The following CPLANE1 variants were observed in gnomAD, a reference collection of about 807,000 sequenced individuals.
The protein encoded by CPLANE1 is ciliogenesis and planar polarity effector complex subunit 1.
In CPLANE1, 263 loss-of-function variants were observed where a neutral mutation model predicts 362.5. The ratio of observed to expected loss-of-function variants is 0.73; its 90% CI spans 0.66 to 0.80. CPLANE1 has a LOEUF of 0.80. Among genes scored for constraint, CPLANE1 ranks in the 30% least tolerant of loss-of-function variants. CPLANE1 has a pLI of 0.00. For missense variants in CPLANE1, 3,461 were observed against 3,793.4 expected (o/e 0.91, Z 2.30); for synonymous variants, 1,212 against 1,302.6 (o/e 0.93, Z 1.50).
chr5:37,185,191 G>T, intron 24 of CPLANE1, 112 bp from the exon 25 acceptor site: 2 of 857,012 alleles, frequency 2.3e-6, no homozygotes, highest in Non-Finnish European at 3.5e-6. Flanking sequence ...TGATGACTAA[G>T]GCTTATTTCC....
chr5:37,224,256 T>C lies in CPLANE1; in HGVS notation c.2578A>G (p.Lys860Glu). The change falls in exon 14 of 53, where the codon AAA becomes GAA. Residue 860 changes from lysine to glutamate, a missense_variant. By Grantham distance (56) the Lys-to-Glu change is moderately conservative (BLOSUM62 1). This residue lies in a region of CPLANE1 where 3,380 missense variants were observed against 3,666.1 expected (regional missense o/e 0.92). Transcript: ENST00000651892. Reference protein sequence around the residue: ...WKKALQEIEEKGGRRTYFLQI... With the variant: ...WKKALQEIEEEGGRRTYFLQI... Reference sequence around the variant, plus strand: ...ATATTTTTTAACACTCTCTTACCTTTCTCTTCGATTTCTTGTAGAGCTTTT... The same window carrying C: ...ATATTTTTTAACACTCTCTTACCTTCCTCTTCGATTTCTTGTAGAGCTTTT... The C allele has an allele frequency of 2.6e-6, 4 of 1,544,666 alleles. No homozygotes were observed. Among genetic ancestry groups the C allele is most frequent in the Non-Finnish European group, 3.5e-6 (4 of 1,141,958 alleles).
At chr5:37,166,131 T>C (rs1210861101) in intron 35 of CPLANE1, among the ~76,000 whole-genome samples, 1 of 152,198 alleles carries the variant, frequency 6.6e-6, no homozygotes, top group African/African-American at 2.4e-5. Context: ...AGAAAATTTC[T>C]GGAAAGAGAG....
chr5:37,097,754 C>A, the CPLANE1 span, among the ~76,000 whole-genome samples: 1 of 152,128 alleles, frequency 6.6e-6, no homozygotes, highest in East Asian at 1.9e-4. Flanking sequence ...CTATACCCAG[C>A]CAAGGAATCT....
chr5:37,076,315 CTTTT>C, the CPLANE1 span, among the ~76,000 whole-genome samples: 2 of 150,620 alleles, frequency 1.3e-5, no homozygotes, highest in African/African-American at 2.4e-5. Flanking sequence ...TGATGTCAAA[CTTTT>C]TTTTTCTTTT....
rs763003642 is a variant in CPLANE1 at position 37,239,696 on chromosome 5, G to A, written c.834+17C>T. ...CCTTCTTTTATAGATTACTTTCTAA[G>A]ACAGATATTTACTGACCTTGGGGTC... is the stretch of plus-strand genomic sequence containing the variant. On this transcript the variant is annotated intron_variant, in intron 7 of 52. Transcript: ENST00000651892. 2.1e-6 allele frequency: 3 copies of A among 1,426,842 alleles called. No individual in the cohort carries two copies. In the South Asian group the frequency reaches 5.0e-5, roughly 24 times the overall value. The allele number at this position is 1,426,842 out of a possible 1,614,324, so 88.4% of individuals were successfully genotyped here.
At chr5:37,118,621 T>A (rs1450950284) in intron 50 of CPLANE1, among the ~76,000 whole-genome samples, 2 of 152,168 alleles carry the variant, frequency 1.3e-5, no homozygotes, top group African/African-American at 4.8e-5. Flanking sequence ...TGACTTGGTT[T>A]CCTTGTCTTT....
intron 9 of CPLANE1, among the ~76,000 whole-genome samples, chr5:37,230,323 T>C (rs550844107): frequency 6.6e-6 from 1 of 151,464 alleles, no homozygotes; most frequent in East Asian, 1.9e-4. Flanking sequence ...TGCTACTTCA[T>C]CTCACAAGTA....
chr5:37,120,827 A>C (rs1318643349), intron 49 of CPLANE1, among the ~76,000 whole-genome samples: 1 of 152,188 alleles, frequency 6.6e-6, no homozygotes, highest in Non-Finnish European at 1.5e-5. Flanking sequence ...CTCAACGGGA[A>C]TCTTTGGTAT....
intron 42 of CPLANE1, among the ~76,000 whole-genome samples, chr5:37,150,518 A>ACG (rs940384842): frequency 2.0e-5 from 3 of 151,738 alleles, no homozygotes; most frequent in Admixed American, 6.6e-5. Context: ...CCCAACACAC[A>ACG]CGCGCGCACA....
intron 8 of CPLANE1, among the ~76,000 whole-genome samples, chr5:37,234,668 G>A (rs1036055619): frequency 6.6e-6 from 1 of 152,094 alleles, no homozygotes; most frequent in Non-Finnish European, 1.5e-5. Flanking sequence ...TAGCAAGAGA[G>A]TTAGACATTC....
At chr5:37,164,569 A>G (rs1204897638) in intron 36 of CPLANE1, among the ~76,000 whole-genome samples, 3 of 152,220 alleles carry the variant, frequency 2.0e-5, no homozygotes, top group African/African-American at 7.2e-5. Flanking sequence ...TTCCTAGGTT[A>G]CCATGTGCAA....
chr5:37,146,561 A>C (rs549593636), intron 43 of CPLANE1, among the ~76,000 whole-genome samples: 1 of 152,316 alleles, frequency 6.6e-6, no homozygotes, highest in Non-Finnish European at 1.5e-5. Flanking sequence ...TTTTTAAAGG[A>C]GTGTCAATAT....
the CPLANE1 span, among the ~76,000 whole-genome samples, chr5:37,084,713 G>A: frequency 2.1e-4 from 32 of 152,186 alleles, 2 homozygotes; most frequent in South Asian, 6.4e-3. Context: ...CCAGGAGGCA[G>A]AGAGCTGAGA....
the CPLANE1 span, among the ~76,000 whole-genome samples, chr5:37,093,975 T>C: frequency 1.4e-5 from 2 of 140,698 alleles, no homozygotes; most frequent in African/African-American, 5.9e-5. Flanking sequence ...AACTAACCTT[T>C]GATCATTTGC....
chr5:37,088,641 G>A, the CPLANE1 span, among the ~76,000 whole-genome samples: 1 of 152,168 alleles, frequency 6.6e-6, no homozygotes, highest in African/African-American at 2.4e-5. Context: ...GGCCCCGCTC[G>A]CAACTGGGGC....
At chr5:37,154,480 T>C (rs1237979898) in intron 41 of CPLANE1, among the ~76,000 whole-genome samples, 4 of 146,924 alleles carry the variant, frequency 2.7e-5, no homozygotes, top group Non-Finnish European at 5.9e-5. Context: ...TTTTTTTTTT[T>C]TTTAAGAGAT....
At chr5:37,151,579 C>T (rs1014023941) in intron 42 of CPLANE1, among the ~76,000 whole-genome samples, 1 of 152,182 alleles carries the variant, frequency 6.6e-6, no homozygotes, top group Non-Finnish European at 1.5e-5. Flanking sequence ...TGAGAGTGAG[C>T]AAGCCAGGAT....
chr5:37,120,982 C>T (rs964426755), intron 49 of CPLANE1, among the ~76,000 whole-genome samples: 8 of 152,174 alleles, frequency 5.3e-5, no homozygotes, highest in African/African-American at 1.9e-4. Context: ...TGCTTAACAA[C>T]ACTGTACTCC....
chr5:37,120,769 A>T (rs1227130088), intron 49 of CPLANE1, among the ~76,000 whole-genome samples: 1 of 151,994 alleles, frequency 6.6e-6, no homozygotes, highest in African/African-American at 2.4e-5. Flanking sequence ...TTCTCCATAT[A>T]TTGGGCAGTT....
Sources: gnomAD v4.1 joint callset for allele counts (sites outside exome capture counted in the v4.1 genomes callset) on GRCh38, gnomAD v4.1.1 for gene constraint, gnomAD v4.1.1 regional missense constraint, MANE v1.5 for transcripts, NCBI Gene and HGNC (gene_info 2026-07-23, HGNC 2026-07-21) for gene names.